The following AMY2B variants were observed in gnomAD, a reference collection of about 807,000 sequenced individuals.
AMY2B encodes the protein amylase alpha 2B, also known as alpha-amylase 2B.
In AMY2B, 63 loss-of-function variants were observed where a neutral mutation model predicts 59.3. That is an observed-to-expected ratio of 1.06 (90% CI 0.87 to 1.31). The LOEUF (loss-of-function observed/expected upper bound fraction) is 1.31. Among genes scored for constraint, AMY2B ranks in the 50% most tolerant of loss-of-function variants. The pLI is 0.00. For missense variants in AMY2B, 635 were observed against 626.7 expected, an observed-to-expected ratio of 1.01 and a Z score of -0.14; for synonymous variants, 180 against 198.1, an observed-to-expected ratio of 0.91 and a Z score of 0.77.
intron 1 of AMY2B, among the ~76,000 whole-genome samples, chr1:103,556,239 C>A (rs2101057974): frequency 6.6e-6 from 1 of 152,186 alleles, no homozygotes; most frequent in East Asian, 1.9e-4. Context: ...GTGTTTTTCT[C>A]CAGTTGAGTT....
chr1:103,558,731 C>T (rs1467616977), intron 1 of AMY2B, among the ~76,000 whole-genome samples: 1 of 150,514 alleles, frequency 6.6e-6, no homozygotes. Flanking sequence ...TCTCTGCACT[C>T]CAGCCTGGGT....
In AMY2B at chr1:103,560,167, T is replaced by A. The variant is rs555535013; in HGVS notation, c.-207+5058T>A. Among the ~76,000 whole-genome samples, 27 of 152,286 alleles carry A rather than the reference T, an allele frequency of 1.8e-4. No individual in the cohort carries two copies. In the South Asian group the frequency reaches 2.9e-3, roughly 16 times the overall value. On this transcript the variant is annotated intron_variant, in intron 1 of 11. Coordinates refer to the AMY2B transcript ENST00000361355. ...AGGTTAATTAAAACTTGTTGAAATC[T>A]GCCTGCTCTTAATAAGGTTGTTAAA...
In AMY2B at chr1:103,573,881, G is replaced by T. The variant is rs200464828; in HGVS notation, c.687G>T (p.Leu229=). Residue 229 remains leucine (L), a synonymous_variant, in exon 4 of 10, where the codon CTG becomes CTT. Transcript: ENST00000684275. ...PGDIKAILDK[L]HNLNSNWFPA... ...ACATAAAGGCAATTTTGGACAAACT[G>T]CATAATCTAAACAGTAACTGGTTCC... 2 of 1,613,688 alleles carry T rather than the reference G, an allele frequency of 1.2e-6. No individual in the cohort carries two copies. The highest frequency in any genetic ancestry group is 1.7e-6 in the Non-Finnish European group (2 of 1,179,760).
chr1:103,567,964 C>T (rs561588191), upstream of AMY2B, among the ~76,000 whole-genome samples: 1 of 152,274 alleles, frequency 6.6e-6, no homozygotes, highest in Admixed American at 6.5e-5. Flanking sequence ...ATCATAAAGT[C>T]ACTCTTTTAA....
At position 103,573,879 on chromosome 1, in the gene AMY2B, C is replaced by G. The variant is rs1229840145; in HGVS notation, c.685C>G (p.Leu229Val). The G allele has an allele frequency of 6.2e-7, 1 of 1,613,712 alleles. No homozygotes were observed. Among genetic ancestry groups the G allele is most frequent in the African/African-American group, 1.3e-5 (1 of 74,928 alleles). Residue 229 changes from leucine (L) to valine (V), a missense_variant, in exon 4 of 10, where the codon CTG becomes GTG. Transcript: ENST00000684275. ...PGDIKAILDK[L>V]HNLNSNWFPA... is the part of the protein sequence containing the mutation. ...AGACATAAAGGCAATTTTGGACAAA[C>G]TGCATAATCTAAACAGTAACTGGTT...
chr1:103,558,015 CTT>C (rs2101059520), intron 1 of AMY2B, among the ~76,000 whole-genome samples: 1 of 152,158 alleles, frequency 6.6e-6, no homozygotes, highest in East Asian at 1.9e-4. Context: ...AATGAAAATT[CTT>C]TTATTTTTCC....
intron 2 of AMY2B, 150 bp downstream of exon 2, chr1:103,572,406 T>A: frequency 7.1e-7 from 1 of 1,410,152 alleles, no homozygotes; most frequent in Non-Finnish European, 9.4e-7. Flanking sequence ...CGTTGCCTTA[T>A]GTTCAGCTTT....
At chr1:103,577,357 G>A in intron 7 of AMY2B, 133 bp from the exon 8 acceptor site, 5 of 1,503,670 alleles carry the variant, frequency 3.3e-6, no homozygotes, top group Non-Finnish European at 4.5e-6. Context: ...AAAAATTATT[G>A]AAGGCATTGG....
intron 1 of AMY2B, among the ~76,000 whole-genome samples, chr1:103,559,127 G>A (rs1003121524): frequency 1.3e-5 from 2 of 152,174 alleles, no homozygotes; most frequent in African/African-American, 4.8e-5. Flanking sequence ...AACCACTGTA[G>A]TTAAACAAAT....
chr1:103,566,602 A>G (rs1404193407), upstream of AMY2B, among the ~76,000 whole-genome samples: 1 of 152,196 alleles, frequency 6.6e-6, no homozygotes, highest in Non-Finnish European at 1.5e-5. Flanking sequence ...ACTGGTTAGT[A>G]GCCAATTGTT....
upstream of AMY2B, chr1:103,570,367 C>T: frequency 2.6e-6 from 2 of 769,884 alleles, no homozygotes; most frequent in Non-Finnish European, 4.5e-6. Flanking sequence ...AATCTTGTGG[C>T]ATCCACCCAG....
chr1:103,571,069 A>G, upstream of AMY2B: 1 of 652,400 alleles, frequency 1.5e-6, no homozygotes, highest in South Asian at 3.6e-5. Context: ...ACAGGCTGGT[A>G]AGGGCTCCTT....
At chr1:103,560,111 A>C (rs1346974025) in intron 1 of AMY2B, among the ~76,000 whole-genome samples, 2 of 152,186 alleles carry the variant, frequency 1.3e-5, no homozygotes, top group African/African-American at 2.4e-5. Flanking sequence ...CAATTAAAAA[A>C]ATAATGTGTT....
At chr1:103,575,836 G>A (rs1378061999) in intron 7 of AMY2B, 5 of 297,080 alleles carry the variant, frequency 1.7e-5, no homozygotes, top group Admixed American at 4.8e-5. Context: ...TATATACTTC[G>A]AATAAGTACC....
At chr1:103,571,343 A>G (rs1652122880), upstream of AMY2B, 1 of 967,754 alleles carries the variant, frequency 1.0e-6, no homozygotes, top group Non-Finnish European at 1.5e-6. Flanking sequence ...GGCCCCAGCA[A>G]TATATCATTG....
chr1:103,574,298 C>T lies in AMY2B; in HGVS notation c.783C>T (p.Asp261=), dbSNP rs12131520. ...DLGGEPIKSS[D]YFGNGRVTEF... ...GTGGTGAGCCAATTAAAAGCAGTGA[C>T]TACTTTGGAAATGGCCGGGTGACAG... The change falls in exon 5 of 10, where the codon GAC becomes GAT. Residue 261 remains aspartate (D), a synonymous_variant. Transcript: ENST00000684275. 10,447 of 1,611,596 alleles carry T rather than the reference C, an allele frequency of 6.5e-3. 51 individuals carry two copies. Among genetic ancestry groups the T allele is most frequent in the Non-Finnish European group, 7.7e-3 (9,051 of 1,179,624 alleles).
chr1:103,574,503 C>T, intron 5 of AMY2B, 110 bp downstream of exon 5: 1 of 1,580,548 alleles, frequency 6.3e-7, no homozygotes, highest in Non-Finnish European at 8.6e-7. Flanking sequence ...ATCAAGGAGT[C>T]AATTGTTAAT....
At chr1:103,574,053 G>T (rs1652246876) in intron 4 of AMY2B, 115 bp downstream of exon 4, 45 of 1,565,704 alleles carry the variant, frequency 2.9e-5, no homozygotes, top group Non-Finnish European at 3.9e-5. Flanking sequence ...TATATAAAAT[G>T]GTGTTCTTTA....
intron 2 of AMY2B, among the ~76,000 whole-genome samples, chr1:103,572,758 C>G (rs1482088001): frequency 6.6e-6 from 1 of 152,112 alleles, no homozygotes; most frequent in Non-Finnish European, 1.5e-5. Context: ...AAAACAGTAA[C>G]CTTTCCAGTC....
Sources: allele counts gnomAD v4.1 joint callset (sites outside exome capture counted in the v4.1 genomes callset), GRCh38; gene constraint gnomAD v4.1.1; transcripts MANE v1.5; gene names NCBI Gene and HGNC (gene_info 2026-07-23, HGNC 2026-07-21).